Variants in ADAMTS19 observed in about 807,000 individuals in gnomAD.
The protein encoded by ADAMTS19 is A disintegrin and metalloproteinase with thrombospondin motifs 19.
A neutral mutation model predicts 153.3 loss-of-function variants in ADAMTS19; 93 were observed. That is an observed-to-expected ratio of 0.61 (90% CI 0.51 to 0.72). ADAMTS19 has a LOEUF of 0.72. ADAMTS19 is among the 30% of genes least tolerant of loss of function. The pLI is 0.00. For synonymous variants in ADAMTS19, 600 were observed against 556.6 expected (o/e 1.08, Z -1.10); for missense variants, 1,482 against 1,552.1 (o/e 0.95, Z 0.76).
At position 129,706,260 on chromosome 5, in the gene ADAMTS19, T is replaced by C. The variant is rs535361361; in HGVS notation, c.3312+1869T>C. Among the ~76,000 whole-genome samples the C allele has an allele frequency of 4.9e-4, 74 of 152,302 alleles. No individual in the cohort carries two copies. In the Middle Eastern group the frequency reaches 0.014, roughly 28 times the overall value. On this transcript the variant is annotated intron_variant, in intron 21 of 22. Coordinates refer to ENST00000274487, the MANE Select transcript of ADAMTS19 (RefSeq NM_133638.6). ...AAACTGAGCTATATTTTTCCAACTTTGGTGATAAATAGAAAAATTTAAATG... is the reference window on the plus strand; with the variant it reads ...AAACTGAGCTATATTTTTCCAACTTCGGTGATAAATAGAAAAATTTAAATG...
intron 8 of ADAMTS19, among the ~76,000 whole-genome samples, chr5:129,606,265 A>G (rs1384555901): frequency 1.3e-5 from 2 of 152,190 alleles, no homozygotes; most frequent in Non-Finnish European, 2.9e-5. Context: ...GCGCCTGGAT[A>G]GAATAGAGGG....
chr5:129,534,787 G>A (rs571085483), intron 6 of ADAMTS19, among the ~76,000 whole-genome samples: 14 of 152,172 alleles, frequency 9.2e-5, no homozygotes, highest in East Asian at 5.8e-4. Flanking sequence ...ATCAATAAAC[G>A]TAATCCAGCA....
intron 15 of ADAMTS19, 60 bp from the exon 16 acceptor site, chr5:129,665,439 T>A (rs1222457452): frequency 5.0e-6 from 7 of 1,388,648 alleles, no homozygotes; most frequent in Admixed American, 4.3e-5. Flanking sequence ...GGCAAGTCAA[T>A]GAAGAAAAGA....
Position 129,704,291 on chromosome 5 carries a change from A to G in ADAMTS19, c.3212A>G (p.Asn1071Ser), listed in dbSNP as rs1272596231. 1 of 1,614,126 alleles carries G rather than the reference A, an allele frequency of 6.2e-7. No homozygotes were observed. The highest frequency in any genetic ancestry group is 1.3e-5 in the African/African-American group (1 of 75,036). The change falls in exon 21 of 23, where the codon AAC becomes AGC. Residue 1071 changes from asparagine to serine, a missense_variant. Asn to Ser is a conservative substitution (Grantham distance 46, BLOSUM62 1). Around this residue, in one of 2 missense-constraint regions of ADAMTS19, gnomAD observed 616 missense variants for 724.4 expected, o/e 0.85. Transcript: ENST00000274487. Reference sequence around the variant, plus strand: ...CGTCATCGGACCGTTAGATGTACCAACCCAAGAAAGAAGTGTGTCCTCTCT... The same window carrying G: ...CGTCATCGGACCGTTAGATGTACCAGCCCAAGAAAGAAGTGTGTCCTCTCT... Reference protein sequence around the residue: ...GIRHRTVRCTNPRKKCVLSTR... With the variant: ...GIRHRTVRCTSPRKKCVLSTR...
chr5:129,702,709 A>C (rs1407325729), intron 20 of ADAMTS19, among the ~76,000 whole-genome samples: 1 of 151,920 alleles, frequency 6.6e-6, no homozygotes, highest in Non-Finnish European at 1.5e-5. Flanking sequence ...GAGAAGAATC[A>C]CATGAGCATC....
At chr5:129,493,057 AG>A (rs1307080466) in intron 2 of ADAMTS19, among the ~76,000 whole-genome samples, 1 of 152,182 alleles carries the variant, frequency 6.6e-6, no homozygotes, top group Non-Finnish European at 1.5e-5. Flanking sequence ...CAAACAAAGG[AG>A]GTCTAATTTT....
chr5:129,714,832 G>A (rs1398393134), intron 21 of ADAMTS19, among the ~76,000 whole-genome samples: 1 of 152,086 alleles, frequency 6.6e-6, no homozygotes, highest in East Asian at 1.9e-4. Flanking sequence ...GAGCACTTTT[G>A]CATAATTTGC....
chr5:129,733,778 C>T (rs1353435629), intron 21 of ADAMTS19, among the ~76,000 whole-genome samples: 4 of 151,898 alleles, frequency 2.6e-5, no homozygotes, highest in Admixed American at 2.6e-4. Context: ...ATAGAACTAC[C>T]ATTTGACTCA....
At chr5:129,648,727 G>A in intron 12 of ADAMTS19, 71 bp from the exon 13 acceptor site, 7 of 1,254,594 alleles carry the variant, frequency 5.6e-6, no homozygotes, top group Non-Finnish European at 7.9e-6. Context: ...TTAATATAAT[G>A]GCTTTTAATT....
chr5:129,547,245 C>A (rs1752892971), intron 6 of ADAMTS19, among the ~76,000 whole-genome samples: 1 of 150,370 alleles, frequency 6.7e-6, no homozygotes, highest in African/African-American at 2.5e-5. Context: ...TAGAAGGAGG[C>A]CCTCAGTCAA....
intron 2 of ADAMTS19, among the ~76,000 whole-genome samples, chr5:129,470,391 G>T (rs1750023384): frequency 6.6e-6 from 1 of 152,240 alleles, no homozygotes; most frequent in South Asian, 2.1e-4. Context: ...ATATGTTTTG[G>T]AGCAGTGGGA....
At chr5:129,509,027 A>AT (rs1343036997) in intron 2 of ADAMTS19, 50 bp from the exon 3 acceptor site, 6 of 1,430,998 alleles carry the variant, frequency 4.2e-6, no homozygotes, top group Non-Finnish European at 5.7e-6. Flanking sequence ...ATCTAAAAGT[A>AT]TTTTTTCAAA....
At position 129,622,249 on chromosome 5, in the gene ADAMTS19, T is replaced by C. The variant is rs370566361; in HGVS notation, c.1671T>C (p.Ser557=). ...LLQTNPQSVN[S]VMVPSKLPGM... ...AAACAAATCCGCAGAGTGTCAATTCTGTGATGGTTCCCTCCAAGCTGCCAG... is the reference window on the plus strand; with the variant it reads ...AAACAAATCCGCAGAGTGTCAATTCCGTGATGGTTCCCTCCAAGCTGCCAG... The change falls in exon 10 of 23, where the codon TCT becomes TCC. Residue 557 remains serine (S), a synonymous_variant. Coordinates refer to ENST00000274487, the MANE Select transcript of ADAMTS19 (RefSeq NM_133638.6). 3.5e-5 allele frequency: 57 copies of C among 1,614,058 alleles called. No individual in the cohort carries two copies. The African/African-American group carries it at 7.5e-4, about 21-fold the overall frequency.
intron 2 of ADAMTS19, among the ~76,000 whole-genome samples, chr5:129,495,866 A>G (rs1404252162): frequency 6.6e-6 from 1 of 152,080 alleles, no homozygotes; most frequent in African/African-American, 2.4e-5. Flanking sequence ...TCAGCTCTTT[A>G]GGTGTATGAT....
intron 11 of ADAMTS19, among the ~76,000 whole-genome samples, chr5:129,644,969 CCTCTT>C (rs1243934263): frequency 6.6e-6 from 1 of 152,168 alleles, no homozygotes; most frequent in Non-Finnish European, 1.5e-5. Flanking sequence ...CTGCCTTCCT[CCTCTT>C]CTCTCTTCCA....
intron 15 of ADAMTS19, among the ~76,000 whole-genome samples, chr5:129,663,347 C>T (rs758181133): frequency 2.0e-5 from 3 of 152,152 alleles, no homozygotes; most frequent in African/African-American, 7.2e-5. Context: ...TGAAAAGCTA[C>T]GTCAATAGCA....
At chr5:129,715,989 T>C (rs1756708952) in intron 21 of ADAMTS19, among the ~76,000 whole-genome samples, 2 of 151,466 alleles carry the variant, frequency 1.3e-5, no homozygotes, top group South Asian at 4.2e-4. Context: ...CTGCGGCAGA[T>C]GGAACTGAGA....
chr5:129,593,292 G>C (rs1421778270), intron 7 of ADAMTS19, among the ~76,000 whole-genome samples: 1 of 152,032 alleles, frequency 6.6e-6, no homozygotes, highest in Non-Finnish European at 1.5e-5. Flanking sequence ...ACCTACCACT[G>C]TCCCAAGTTC....
intron 19 of ADAMTS19, among the ~76,000 whole-genome samples, chr5:129,697,878 AT>A (rs1192505622): frequency 6.6e-6 from 1 of 152,238 alleles, no homozygotes; most frequent in African/African-American, 2.4e-5. Flanking sequence ...TTTGTTTTAT[AT>A]TGCCATATAG....
Sources: gnomAD v4.1 joint callset for allele counts (sites outside exome capture counted in the v4.1 genomes callset) on GRCh38, gnomAD v4.1.1 for gene constraint, gnomAD v4.1.1 regional missense constraint, MANE v1.5 for transcripts, NCBI Gene and HGNC (gene_info 2026-07-23, HGNC 2026-07-21) for gene names.